Variants in YTHDF2 observed in about 807,000 individuals in gnomAD.
YTHDF2 encodes the protein YTH N6-methyladenosine RNA binding protein F2.
A neutral mutation model predicts 50.4 loss-of-function variants in YTHDF2; 2 were observed. The observed-to-expected ratio is 0.04, with a 90% CI of 0.02 to 0.12. YTHDF2 has a LOEUF of 0.12. Among genes scored for constraint, YTHDF2 ranks in the 10% least tolerant of loss-of-function variants. The probability of loss-of-function intolerance (pLI) is 1.00; values close to 1 mark genes in which losing one functional copy is unlikely to be tolerated. For missense variants in YTHDF2, 483 were observed against 722.6 expected (o/e 0.67, Z 3.80); for synonymous variants, 217 against 255.6 (o/e 0.85, Z 1.44).
intron 4 of YTHDF2, among the ~76,000 whole-genome samples, chr1:28,764,643 G>T (rs2088190278): frequency 6.8e-6 from 1 of 146,126 alleles, no homozygotes; most frequent in East Asian, 2.0e-4. Context: ...TCCTGACCTC[G>T]TGATCCACCC....
intron 4 of YTHDF2, among the ~76,000 whole-genome samples, chr1:28,767,081 G>A (rs2088230686): frequency 6.6e-6 from 1 of 150,654 alleles, no homozygotes; most frequent in South Asian, 2.1e-4. Flanking sequence ...GCCTCAAGCA[G>A]TCTTATCTGC....
chr1:28,754,198 G>C (rs2088002070), intron 4 of YTHDF2, among the ~76,000 whole-genome samples: 2 of 152,138 alleles, frequency 1.3e-5, no homozygotes, highest in South Asian at 4.1e-4. Context: ...TGTATTTATA[G>C]ATCAACAAAT....
chr1:28,751,702 T>G (rs2087955145), intron 4 of YTHDF2, among the ~76,000 whole-genome samples: 1 of 152,202 alleles, frequency 6.6e-6, no homozygotes. Context: ...TTGTGTTAAT[T>G]GCTGGGATGG....
intron 4 of YTHDF2, among the ~76,000 whole-genome samples, chr1:28,756,693 CTAAAGG>C (rs917560320): frequency 1.3e-5 from 2 of 152,066 alleles, no homozygotes; most frequent in African/African-American, 4.8e-5. Flanking sequence ...AGCATCTCTT[CTAAAGG>C]TGTTGGGTGA....
intron 4 of YTHDF2, among the ~76,000 whole-genome samples, chr1:28,744,791 C>G (rs2087834008): frequency 6.6e-6 from 1 of 152,084 alleles, no homozygotes; most frequent in Non-Finnish European, 1.5e-5. Context: ...ATCTCAGCTT[C>G]GTGACTAGCT....
At position 28,743,052 on chromosome 1, in the gene YTHDF2, G is replaced by C. The variant is rs1242198452; in HGVS notation, c.782G>C (p.Gly261Ala). The stretch of plus-strand genomic sequence containing the variant: ...CTGAAGACCAAGAATGGCATTGCAG[G>C]GTCAAGTCTTCCGCCACCCCCGATA... ...PKLKTKNGIA[G>A]SSLPPPPIKH... Residue 261 changes from glycine (G) to alanine (A), a missense_variant, in exon 4 of 5, where the codon GGG (glycine) becomes GCG (alanine). This residue lies in a region of YTHDF2 where 385 missense variants were observed against 475.8 expected (regional missense o/e 0.81). Transcript: ENST00000373812. This position sits in a 1 kb window ranked among gnomAD's most constrained non-coding sequence, Gnocchi z 6.9. 9.9e-6 allele frequency: 16 copies of C among 1,614,004 alleles called. No individual in the cohort carries two copies. The highest frequency in any genetic ancestry group is 1.4e-5 in the Non-Finnish European group (16 of 1,180,028).
At chr1:28,758,523 A>G (rs2088067345) in intron 4 of YTHDF2, among the ~76,000 whole-genome samples, 1 of 152,186 alleles carries the variant, frequency 6.6e-6, no homozygotes, top group African/African-American at 2.4e-5. Context: ...CTCAAAATGG[A>G]ATGAATTAGA....
At chr1:28,749,868 G>A (rs948322039) in intron 4 of YTHDF2, among the ~76,000 whole-genome samples, 1 of 151,774 alleles carries the variant, frequency 6.6e-6, no homozygotes, top group African/African-American at 2.4e-5. Flanking sequence ...GATTGTGGTG[G>A]CAACAGTTTG....
rs2088266501 is a variant in YTHDF2, at chr1:28,769,164, C to G, written c.*212C>G. ...AAAAAGAAAAAACTAAACAAAAAAT[C>G]CCTCTAGGTAGTTTAGGTGAAAAAT... On this transcript the variant is annotated 3_prime_UTR_variant, in exon 5 of 5. Transcript: ENST00000373812. 2.6e-6 allele frequency: 1 copy of G among 388,146 alleles called. No homozygotes were observed. The highest frequency in any genetic ancestry group is 2.1e-5 in the African/African-American group (1 of 47,954). The allele number at this position is 388,146 out of a possible 1,614,324, so 24.0% of individuals were successfully genotyped here. A position where few individuals can be genotyped will look rare whatever the true frequency, so the allele number is the denominator to read the frequency against.
In YTHDF2 at chr1:28,737,361, G is replaced by A. The variant is rs1055051565; in HGVS notation, c.27+214G>A. 195 of 654,716 alleles carry A rather than the reference G, an allele frequency of 3.0e-4. 2 individuals carry two copies. In the Admixed American group the frequency reaches 7.0e-3, roughly 24 times the overall value. 40.6% of individuals were successfully genotyped at this position (654,716 alleles called of 1,614,324 possible). A position where few individuals can be genotyped will look rare whatever the true frequency, so the allele number is the denominator to read the frequency against. On this transcript the variant is annotated intron_variant, in intron 1 of 4. Coordinates refer to ENST00000373812, the MANE Select transcript of YTHDF2 (RefSeq NM_016258.3). ...GGCCTCGGAGCCCACGGGCCGGGCC[G>A]CGCCGCGTTCCCTTCTCTCGGCGGG...
chr1:28,767,473 G>A (rs2088235750), intron 4 of YTHDF2, among the ~76,000 whole-genome samples: 1 of 151,702 alleles, frequency 6.6e-6, no homozygotes, highest in Admixed American at 6.6e-5. Context: ...AGAGATAATA[G>A]GTGGAATTTC....
At chr1:28,742,134 C>T (rs971294102) in intron 3 of YTHDF2, among the ~76,000 whole-genome samples, 7 of 150,822 alleles carry the variant, frequency 4.6e-5, no homozygotes, top group Non-Finnish European at 7.4e-5. Context: ...ACTGCAACCT[C>T]CGCCTCCTGG....
intron 4 of YTHDF2, among the ~76,000 whole-genome samples, chr1:28,749,514 T>C (rs1247625827): frequency 6.6e-6 from 1 of 152,168 alleles, no homozygotes; most frequent in Non-Finnish European, 1.5e-5. Context: ...TTTGGAATAG[T>C]CTGGGAGAAA....
intron 1 of YTHDF2, 139 bp downstream of exon 1, chr1:28,737,286 C>T (rs974343724): frequency 9.1e-7 from 1 of 1,103,208 alleles, no homozygotes; most frequent in Non-Finnish European, 1.2e-6. Flanking sequence ...CCTCTCAGGC[C>T]GGCCGCGCCC....
At chr1:28,744,125 A>G in intron 4 of YTHDF2, 139 bp downstream of exon 4, 1 of 972,322 alleles carries the variant, frequency 1.0e-6, no homozygotes, top group Non-Finnish European at 1.4e-6. Flanking sequence ...TTATAGAAGT[A>G]TAATTGGTTT....
intron 4 of YTHDF2, among the ~76,000 whole-genome samples, chr1:28,766,634 CTTG>C (rs1293682976): frequency 3.9e-5 from 6 of 151,982 alleles, no homozygotes; most frequent in African/African-American, 1.5e-4. Flanking sequence ...ATGTAAATAA[CTTG>C]TTTCTCATCA....
At chr1:28,741,602 C>T (rs527526194) in intron 3 of YTHDF2, among the ~76,000 whole-genome samples, 16 of 152,182 alleles carry the variant, frequency 1.1e-4, no homozygotes, top group African/African-American at 2.4e-4. Flanking sequence ...CCATATTTCT[C>T]ATTTTACATC....
chr1:28,761,401 T>C (rs2088128250), intron 4 of YTHDF2, among the ~76,000 whole-genome samples: 1 of 151,712 alleles, frequency 6.6e-6, no homozygotes, highest in Non-Finnish European at 1.5e-5. Context: ...GCCTCTCAAA[T>C]TGTTAGGATT....
At position 28,736,981 on chromosome 1, in the gene YTHDF2, G is replaced by C. The variant is rs1371721060; in HGVS notation, c.-140G>C. 10 of 1,068,332 alleles carry C rather than the reference G, an allele frequency of 9.4e-6. No homozygotes were observed. The highest frequency in any genetic ancestry group is 8.1e-6 in the Non-Finnish European group (6 of 745,072). The allele number at this position is 1,068,332 out of a possible 1,614,324, so 66.2% of individuals were successfully genotyped here. ...GGAGCCGGAGCCTGAGCCGCGCGCT[G>C]TGTCTCCGCTGCGTCCGCCGAGGCC... is the stretch of plus-strand genomic sequence containing the variant. On this transcript the variant is annotated 5_prime_UTR_variant, in exon 1 of 5. Coordinates refer to ENST00000373812, the MANE Select transcript of YTHDF2 (RefSeq NM_016258.3).
Sources: gnomAD v4.1 joint callset for allele counts (sites outside exome capture counted in the v4.1 genomes callset) on GRCh38, gnomAD v4.1.1 for gene constraint, gnomAD v4.1.1 regional missense constraint, Gnocchi (gnomAD v3.1) non-coding constraint, MANE v1.5 for transcripts, NCBI Gene and HGNC (gene_info 2026-07-23, HGNC 2026-07-21) for gene names.